CSMD3: variants seen among roughly 807,000 people sequenced by gnomAD.
CSMD3 encodes CUB and Sushi multiple domains 3.
In CSMD3, 177 loss-of-function variants were observed where a neutral mutation model predicts 435.2. That is an observed-to-expected ratio of 0.41 (90% confidence interval 0.36 to 0.46). The LOEUF is 0.46. Ranked by LOEUF, CSMD3 falls within the 20% of genes least tolerant of loss-of-function variation. The pLI is 0.34. For missense variants in CSMD3, 4,265 were observed against 4,504.6 expected (o/e 0.95, Z 1.52); for synonymous variants, 1,656 against 1,520.5 (o/e 1.09, Z -2.07).
At chr8:113,304,869 C>A in intron 2 of CSMD3, among the ~76,000 whole-genome samples, 2 of 133,252 alleles carry the variant, frequency 1.5e-5, no homozygotes, top group African/African-American at 2.8e-5. Context: ...ACATATGTAA[C>A]TAACCTGCAC....
At chr8:113,017,490 T>C (rs2086510170) in intron 6 of CSMD3, among the ~76,000 whole-genome samples, 1 of 152,004 alleles carries the variant, frequency 6.6e-6, no homozygotes, top group Non-Finnish European at 1.5e-5. Flanking sequence ...TATATGCTAC[T>C]TTATTTCTGT....
chr8:112,304,966 G>A (rs776746343), intron 51 of CSMD3, 51 bp from the exon 52 acceptor site: 10 of 1,349,916 alleles, frequency 7.4e-6, no homozygotes, highest in South Asian at 2.4e-5. Context: ...ATATCTCAAC[G>A]TCTATTCCAT....
At chr8:112,804,440 G>A (rs932310981) in intron 12 of CSMD3, among the ~76,000 whole-genome samples, 1 of 152,074 alleles carries the variant, frequency 6.6e-6, no homozygotes, top group Non-Finnish European at 1.5e-5. Flanking sequence ...AAAACCATAT[G>A]CCATACTGCG....
intron 10 of CSMD3, among the ~76,000 whole-genome samples, chr8:112,867,073 A>G (rs1458787654): frequency 2.6e-5 from 4 of 152,116 alleles, no homozygotes; most frequent in African/African-American, 9.7e-5. Flanking sequence ...CTGGAAATGG[A>G]TAAATGTTGG....
At chr8:113,145,656 A>G (rs1043682460) in intron 4 of CSMD3, among the ~76,000 whole-genome samples, 1 of 151,664 alleles carries the variant, frequency 6.6e-6, no homozygotes, top group East Asian at 1.9e-4. Context: ...TATCTTATTG[A>G]AATGAATGAA....
chr8:112,860,377 T>C (rs1488983194), intron 10 of CSMD3, among the ~76,000 whole-genome samples: 1 of 151,958 alleles, frequency 6.6e-6, no homozygotes, highest in East Asian at 1.9e-4. Context: ...AATTTCTGTA[T>C]TTTAACCAAT....
At position 112,595,387 on chromosome 8, in the gene CSMD3, G is replaced by T. The variant is rs1193670725; in HGVS notation, c.3716-8152C>A. On this transcript the variant is annotated intron_variant, in intron 22 of 70. Coordinates refer to ENST00000297405, the MANE Select transcript of CSMD3 (RefSeq NM_198123.2). Reference sequence around the variant, plus strand: ...ATGTGAAAAGACCAAATCTACGTCTGATTGGTGTACCTGAAAGTGATGGGG... The same window carrying T: ...ATGTGAAAAGACCAAATCTACGTCTTATTGGTGTACCTGAAAGTGATGGGG... Among the ~76,000 whole-genome samples, 8 of 134,340 alleles carry T rather than the reference G, an allele frequency of 6.0e-5. No individual in the cohort carries two copies. In the East Asian group the frequency reaches 1.5e-3, roughly 26 times the overall value. 88.1% of individuals were successfully genotyped at this position (134,340 alleles called of 152,430 possible).
intron 5 of CSMD3, among the ~76,000 whole-genome samples, chr8:113,066,896 A>T (rs1383299): frequency 6.6e-6 from 1 of 151,822 alleles, no homozygotes; most frequent in Non-Finnish European, 1.5e-5. Flanking sequence ...CTATTCCATA[A>T]TACATTAGAT....
At chr8:112,663,830 T>G (rs192063726) in intron 17 of CSMD3, among the ~76,000 whole-genome samples, 1 of 152,270 alleles carries the variant, frequency 6.6e-6, no homozygotes, top group African/African-American at 2.4e-5. Flanking sequence ...AAGAAAGTGA[T>G]GCAAATGAAT....
intron 61 of CSMD3, among the ~76,000 whole-genome samples, chr8:112,262,028 G>A (rs1816453460): frequency 6.6e-6 from 1 of 151,868 alleles, no homozygotes; most frequent in African/African-American, 2.4e-5. Flanking sequence ...TAACATAGCT[G>A]ATATTTTTTC....
intron 66 of CSMD3, among the ~76,000 whole-genome samples, chr8:112,238,033 A>G (rs1291011907): frequency 6.6e-6 from 1 of 152,074 alleles, no homozygotes; most frequent in Non-Finnish European, 1.5e-5. Context: ...AAAAAACACT[A>G]TTTTAGATAC....
intron 13 of CSMD3, among the ~76,000 whole-genome samples, chr8:112,747,701 C>G: frequency 6.6e-6 from 1 of 152,210 alleles, no homozygotes; most frequent in Non-Finnish European, 1.5e-5. Context: ...GGCGGCCGGG[C>G]GCGGTGGCTC....
chr8:113,293,297 A>G (rs2093698540), intron 2 of CSMD3, among the ~76,000 whole-genome samples: 1 of 151,752 alleles, frequency 6.6e-6, no homozygotes, highest in African/African-American at 2.4e-5. Flanking sequence ...CATCTCAGAC[A>G]TATGTCCAAA....
At chr8:112,233,974 T>C (rs906969708) in intron 68 of CSMD3, among the ~76,000 whole-genome samples, 1 of 152,192 alleles carries the variant, frequency 6.6e-6, no homozygotes, top group African/African-American at 2.4e-5. Flanking sequence ...CCTTAAGTAG[T>C]AGTGGTTCCA....
intron 13 of CSMD3, among the ~76,000 whole-genome samples, chr8:112,758,072 G>C (rs180697854): frequency 1.3e-5 from 2 of 151,920 alleles, no homozygotes; most frequent in African/African-American, 4.8e-5. Context: ...TTAAAAAAAG[G>C]GGCCGGGTGC....
intron 22 of CSMD3, among the ~76,000 whole-genome samples, chr8:112,636,325 TA>T: frequency 1.3e-5 from 2 of 152,274 alleles, no homozygotes; most frequent in Non-Finnish European, 2.9e-5. Context: ...ATTAGTTACC[TA>T]TTCTTCATTT....
In CSMD3 at chr8:112,525,842, T is replaced by C. The variant is rs1454375981; in HGVS notation, c.4565-8617A>G. ...CATATAAAAAATATATATATATATATACAGGGTCTTTATATATATAGTTTT... is the reference window on the plus strand; with the variant it reads ...CATATAAAAAATATATATATATATACACAGGGTCTTTATATATATAGTTTT... On this transcript the variant is annotated intron_variant, in intron 27 of 70. Transcript: ENST00000297405. 3.0e-3 allele frequency among the ~76,000 whole-genome samples: 422 copies of C among 139,486 alleles called. 1 individual carries two copies. The highest frequency in any genetic ancestry group is 0.01 in the African/African-American group (405 of 38,790). The allele number at this position is 139,486 out of a possible 152,430, so 91.5% of individuals were successfully genotyped here. A position where few individuals can be genotyped will look rare whatever the true frequency, so the allele number is the denominator to read the frequency against.
intron 4 of CSMD3, among the ~76,000 whole-genome samples, chr8:113,136,351 A>T (rs748248245): frequency 2.6e-5 from 4 of 151,804 alleles, no homozygotes; most frequent in Non-Finnish European, 4.4e-5. Flanking sequence ...ATTAATACAT[A>T]CTTAAATTTG....
At chr8:112,283,164 A>G (rs1322558567) in intron 58 of CSMD3, among the ~76,000 whole-genome samples, 1 of 152,050 alleles carries the variant, frequency 6.6e-6, no homozygotes, top group Non-Finnish European at 1.5e-5. Flanking sequence ...TCTAGTACAA[A>G]TTCCTAGGAA....
Sources: gnomAD v4.1 joint callset for allele counts (sites outside exome capture counted in the v4.1 genomes callset) on GRCh38, gnomAD v4.1.1 for gene constraint, MANE v1.5 for transcripts, NCBI Gene and HGNC (gene_info 2026-07-23, HGNC 2026-07-21) for gene names.